BDNF: variants seen among roughly 807,000 people sequenced by gnomAD.
The protein encoded by BDNF is neurotrophic factor BDNF precursor form.
In BDNF, 1 loss-of-function variant was observed where a neutral mutation model predicts 19.5. The ratio of observed to expected loss-of-function variants is 0.05; its 90% CI spans 0.02 to 0.24. The LOEUF (loss-of-function observed/expected upper bound fraction) is 0.24. BDNF is among the 10% of genes least tolerant of loss of function. BDNF has a pLI of 1.00. For missense variants in BDNF, 195 were observed against 317.6 expected (o/e 0.61, Z 2.93); for synonymous variants, 100 against 121.6 (o/e 0.82, Z 1.17).
chr11:27,687,910 C>T (rs1235273012), intron 1 of BDNF, among the ~76,000 whole-genome samples: 1 of 152,218 alleles, frequency 6.6e-6, no homozygotes, highest in East Asian at 1.9e-4. Flanking sequence ...AGAAGGCAGT[C>T]TGTCCCTTAG....
chr11:27,712,585 G>A (rs1302309365), intron 1 of BDNF, among the ~76,000 whole-genome samples: 3 of 149,132 alleles, frequency 2.0e-5, no homozygotes, highest in East Asian at 2.0e-4. Flanking sequence ...GGCTAATCTC[G>A]GCTCACTGCA....
upstream of BDNF, among the ~76,000 whole-genome samples, chr11:27,702,580 G>C (rs1436698691): frequency 6.6e-6 from 1 of 152,160 alleles, no homozygotes; most frequent in African/African-American, 2.4e-5. Context: ...TTTTGCTAAA[G>C]GGAAAGATTT....
chr11:27,717,033 T>G (rs183692855), intron 1 of BDNF, among the ~76,000 whole-genome samples: 10 of 152,302 alleles, frequency 6.6e-5, no homozygotes, highest in Admixed American at 2.0e-4. Flanking sequence ...GGAATGTTGT[T>G]TCTTACTAAA....
At chr11:27,707,782 A>G (rs1409480777) in intron 1 of BDNF, among the ~76,000 whole-genome samples, 1 of 152,184 alleles carries the variant, frequency 6.6e-6, no homozygotes, top group African/African-American at 2.4e-5. Context: ...TGTCACTGCC[A>G]TGTATGTACT....
At chr11:27,720,300 T>C in intron 1 of BDNF, 1 of 983,074 alleles carries the variant, frequency 1.0e-6, no homozygotes, top group Non-Finnish European at 1.2e-6. Flanking sequence ...AGTATCAAAA[T>C]AGCTCAAGAA....
intron 1 of BDNF, among the ~76,000 whole-genome samples, chr11:27,685,823 G>GGAAGTAATTT (rs371590941): frequency 1.3e-5 from 2 of 151,292 alleles, no homozygotes; most frequent in African/African-American, 4.9e-5. Context: ...TTCCAATTAT[G>GGAAGTAATTT]TGGTCAATTT....
upstream of BDNF, among the ~76,000 whole-genome samples, chr11:27,704,246 AAATT>A (rs1860023803): frequency 6.6e-6 from 1 of 152,224 alleles, no homozygotes; most frequent in Admixed American, 6.5e-5. Context: ...TGGGGCTTAA[AAATT>A]AATTGTGAAT....
At chr11:27,694,688 T>C (rs1300149017) in intron 1 of BDNF, among the ~76,000 whole-genome samples, 10 of 152,066 alleles carry the variant, frequency 6.6e-5, no homozygotes, top group African/African-American at 2.4e-4. Flanking sequence ...TGTTTGTTTG[T>C]TTTTTGTGTG....
At chr11:27,683,199 A>T (rs1161775392) in intron 1 of BDNF, among the ~76,000 whole-genome samples, 1 of 152,204 alleles carries the variant, frequency 6.6e-6, no homozygotes, top group Non-Finnish European at 1.5e-5. Context: ...TGGCAGCATA[A>T]ATTTCTTCTT....
In BDNF at chr11:27,658,784, A is replaced by T; in HGVS notation, c.-21-199T>A. Reference sequence around the variant, plus strand: ...GTATGTGGTTTAATATAAACCAGAGACATGCAGTGTTTCCCCCAAGATCTA... The same window carrying T: ...GTATGTGGTTTAATATAAACCAGAGTCATGCAGTGTTTCCCCCAAGATCTA... On this transcript the variant is annotated intron_variant, in intron 1 of 1. Transcript: ENST00000356660. This position sits in a 1 kb window ranked among gnomAD's most constrained non-coding sequence, Gnocchi z 5.7. The T allele has an allele frequency of 6.9e-7, 1 of 1,452,738 alleles. No individual in the cohort carries two copies. The highest frequency in any genetic ancestry group is 9.1e-7 in the Non-Finnish European group (1 of 1,102,346). The allele number at this position is 1,452,738 out of a possible 1,614,324, so 90.0% of individuals were successfully genotyped here.
At chr11:27,664,790 C>T (rs1294134262) in intron 1 of BDNF, among the ~76,000 whole-genome samples, 2 of 152,044 alleles carry the variant, frequency 1.3e-5, no homozygotes, top group African/African-American at 2.4e-5. Context: ...CCTAGGAAAG[C>T]AACTGTTTTG....
chr11:27,695,119 T>G (rs1166804250), intron 1 of BDNF, among the ~76,000 whole-genome samples: 1 of 152,138 alleles, frequency 6.6e-6, no homozygotes, highest in Admixed American at 6.5e-5. Flanking sequence ...AAGGAAATCC[T>G]AGTAACTGTA....
intron 1 of BDNF, chr11:27,721,354 G>A (rs199798972): frequency 2.8e-4 from 448 of 1,599,312 alleles, no homozygotes; most frequent in Non-Finnish European, 3.6e-4. Flanking sequence ...TGATATGCCC[G>A]TTGTTAAGCA....
chr11:27,707,538 GT>G (rs1283433903), intron 1 of BDNF, among the ~76,000 whole-genome samples: 1 of 152,214 alleles, frequency 6.6e-6, no homozygotes, highest in Non-Finnish European at 1.5e-5. Context: ...ACTGCTGCAA[GT>G]GTTTGCTGTA....
At chr11:27,681,958 G>A (rs923306260) in intron 1 of BDNF, among the ~76,000 whole-genome samples, 5 of 152,090 alleles carry the variant, frequency 3.3e-5, no homozygotes, top group Admixed American at 1.3e-4. Flanking sequence ...CTCTGGCTCA[G>A]GAATATTGTT....
At chr11:27,705,805 T>TA (rs1264622377) in intron 1 of BDNF, among the ~76,000 whole-genome samples, 1 of 152,232 alleles carries the variant, frequency 6.6e-6, no homozygotes, top group African/African-American at 2.4e-5. Context: ...ACTTCATAGT[T>TA]ACAGTCATTC....
At chr11:27,673,147 CA>C (rs1855619591) in intron 1 of BDNF, among the ~76,000 whole-genome samples, 1 of 150,428 alleles carries the variant, frequency 6.6e-6, no homozygotes, top group South Asian at 2.1e-4. Flanking sequence ...CCGCCTCCTT[CA>C]AATTACACAC....
chr11:27,679,114 A>G (rs1856549595), intron 1 of BDNF, among the ~76,000 whole-genome samples: 1 of 152,218 alleles, frequency 6.6e-6, no homozygotes, highest in Non-Finnish European at 1.5e-5. Context: ...GCCTAGTTCC[A>G]GCTGGGTCTC....
At chr11:27,674,436 C>A in intron 1 of BDNF, 8 of 1,439,074 alleles carry the variant, frequency 5.6e-6, no homozygotes, top group Non-Finnish European at 7.3e-6. Context: ...TACCCCAGCT[C>A]CCAGCTCTTC....
Sources: gnomAD v4.1 joint callset for allele counts (sites outside exome capture counted in the v4.1 genomes callset) on GRCh38, gnomAD v4.1.1 for gene constraint, Gnocchi (gnomAD v3.1) non-coding constraint, MANE v1.5 for transcripts, NCBI Gene and HGNC (gene_info 2026-07-23, HGNC 2026-07-21) for gene names.